SNRPN: variants seen among roughly 807,000 people sequenced by gnomAD.
SNRPN encodes the protein small nuclear ribonucleoprotein-associated protein N.
A neutral mutation model predicts 25.2 loss-of-function variants in SNRPN; 7 were observed. The ratio of observed to expected loss-of-function variants is 0.28; its 90% confidence interval spans 0.16 to 0.52. The LOEUF (loss-of-function observed/expected upper bound fraction) is 0.52. Among genes scored for constraint, SNRPN ranks in the 20% least tolerant of loss-of-function variants. The probability of loss-of-function intolerance (pLI) is 0.96; values close to 1 mark genes in which losing one functional copy is unlikely to be tolerated. For missense variants in SNRPN, 196 were observed against 322.5 expected, an observed-to-expected ratio of 0.61 and a Z score of 3.00; for synonymous variants, 124 against 110.6, an observed-to-expected ratio of 1.12 and a Z score of -0.76.
intron 3 of SNRPN, among the ~76,000 whole-genome samples, chr15:24,928,529 T>G (rs185353874): frequency 2.6e-5 from 4 of 152,144 alleles, no homozygotes; most frequent in Admixed American, 6.6e-5. Flanking sequence ...AGAGTAGAAT[T>G]GTGATTAATA....
chr15:24,848,261 C>T (rs1383842224), intron 2 of SNRPN: 547 of 6,252 alleles, frequency 0.087, 5 homozygotes, highest in African/African-American at 0.25. Context: ...GGGGCGGGGG[C>T]GGGGGCGGGG....
At chr15:24,837,579 T>C (rs1975724) in intron 2 of SNRPN, among the ~76,000 whole-genome samples, 76,710 of 151,410 alleles carry the variant, frequency 0.51, 19,901 homozygotes, top group South Asian at 0.73. Context: ...CCGTGTTAGC[T>C]AGGATGGTCT....
At chr15:24,932,180 A>C (rs950481444) in intron 3 of SNRPN, among the ~76,000 whole-genome samples, 2 of 152,142 alleles carry the variant, frequency 1.3e-5, no homozygotes, top group Non-Finnish European at 2.9e-5. Flanking sequence ...TTGAGATGCT[A>C]GAATCTATGT....
intron 6 of SNRPN, among the ~76,000 whole-genome samples, 158 bp from the exon 7 acceptor site, chr15:24,976,719 T>A (rs2153702904): frequency 6.6e-6 from 1 of 152,378 alleles, no homozygotes; most frequent in Middle Eastern, 3.4e-3. Context: ...ATACACAAGA[T>A]ACCTCCATGG....
upstream of SNRPN, among the ~76,000 whole-genome samples, chr15:24,952,634 G>A (rs1336143811): frequency 6.6e-6 from 1 of 152,082 alleles, no homozygotes; most frequent in East Asian, 1.9e-4. Flanking sequence ...GAAATTATGA[G>A]GAAAGGCAGT....
chr15:24,833,919 G>A (rs759042382), intron 2 of SNRPN, among the ~76,000 whole-genome samples: 2 of 151,962 alleles, frequency 1.3e-5, no homozygotes, highest in African/African-American at 4.8e-5. Flanking sequence ...CAAGACCATT[G>A]CATTTCTTTA....
intron 2 of SNRPN, among the ~76,000 whole-genome samples, chr15:24,840,452 G>C (rs1031327332): frequency 1.3e-5 from 2 of 152,224 alleles, no homozygotes; most frequent in East Asian, 3.8e-4. Flanking sequence ...CCCAGTGTCA[G>C]TTTTCTGTTG....
chr15:24,878,424 G>C (rs897863206), intron 1 of SNRPN, among the ~76,000 whole-genome samples: 1 of 152,216 alleles, frequency 6.6e-6, no homozygotes, highest in South Asian at 2.1e-4. Context: ...TCTTCGGCGC[G>C]CCTGCACAGC....
intron 1 of SNRPN, among the ~76,000 whole-genome samples, chr15:24,876,902 G>A (rs17114813): frequency 0.12 from 18,530 of 152,132 alleles, 1,367 homozygotes; most frequent in Middle Eastern, 0.18. Context: ...CTTGAAGGAA[G>A]CTAGAAATAT....
intron 1 of SNRPN, among the ~76,000 whole-genome samples, chr15:24,875,328 T>G (rs542821560): frequency 1.3e-5 from 2 of 152,354 alleles, no homozygotes; most frequent in Admixed American, 1.3e-4. Context: ...CCAGAATCTT[T>G]GTTTACATCA....
chr15:24,918,342 ATATATATATAACATTATATATATGTG>A (rs2059672093), intron 2 of SNRPN, among the ~76,000 whole-genome samples: 8 of 47,098 alleles, frequency 1.7e-4, no homozygotes, highest in African/African-American at 6.1e-4. Flanking sequence ...ATATATGTGT[ATATATATATAACATTATATATATGTG>A]TATATATATA....
At chr15:24,862,136 C>T (rs373763884) in intron 1 of SNRPN, among the ~76,000 whole-genome samples, 6 of 150,670 alleles carry the variant, frequency 4.0e-5, no homozygotes, top group African/African-American at 1.5e-4. Context: ...ACTAGGCTAA[C>T]GCTATTGTAA....
chr15:24,866,404 AT>A (rs1040814967), intron 1 of SNRPN, among the ~76,000 whole-genome samples: 1 of 152,094 alleles, frequency 6.6e-6, no homozygotes, highest in East Asian at 1.9e-4. Flanking sequence ...CTTTTTAAGC[AT>A]TTTTTTAAAT....
intron 3 of SNRPN, among the ~76,000 whole-genome samples, chr15:24,973,814 G>A (rs575033157): frequency 6.6e-6 from 1 of 152,242 alleles, no homozygotes; most frequent in South Asian, 2.1e-4. Context: ...GGAAGTCTTA[G>A]GCAGGTTTAT....
At chr15:24,888,307 T>C (rs1369927000) in intron 2 of SNRPN, among the ~76,000 whole-genome samples, 1 of 152,008 alleles carries the variant, frequency 6.6e-6, no homozygotes, top group Non-Finnish European at 1.5e-5. Context: ...CAGGTTTCAC[T>C]GTCTTGGCCA....
intron 2 of SNRPN, among the ~76,000 whole-genome samples, chr15:24,834,342 T>C (rs4591124): frequency 0.65 from 98,513 of 151,844 alleles, 32,423 homozygotes; most frequent in East Asian, 0.83. Context: ...GAGACCTTCA[T>C]TCTGAGGCAA....
chr15:24,967,548 T>C (rs2075818597), intron 2 of SNRPN, among the ~76,000 whole-genome samples: 1 of 151,306 alleles, frequency 6.6e-6, no homozygotes, highest in African/African-American at 2.4e-5. Flanking sequence ...AGGCTGACAC[T>C]GGAGAATGGC....
At chr15:24,887,275 G>A (rs931357754) in intron 2 of SNRPN, among the ~76,000 whole-genome samples, 1 of 151,226 alleles carries the variant, frequency 6.6e-6, no homozygotes, top group African/African-American at 2.4e-5. Context: ...AGGCTCCCAT[G>A]TAGCTGGGAT....
At chr15:24,912,346 T>C (rs1393708815) in intron 2 of SNRPN, 1 of 152,184 alleles carries the variant, frequency 6.6e-6, no homozygotes, top group Non-Finnish European at 1.5e-5. Flanking sequence ...AAACACATAA[T>C]CTGTTTGACT....
Sources: allele counts gnomAD v4.1 joint callset (sites outside exome capture counted in the v4.1 genomes callset), GRCh38; gene constraint gnomAD v4.1.1; transcripts MANE v1.5; gene names NCBI Gene and HGNC (gene_info 2026-07-23, HGNC 2026-07-21).